Variants in UCHL1 observed in about 807,000 individuals in gnomAD.
The protein encoded by UCHL1 is ubiquitin C-terminal hydrolase L1.
UCHL1 carries 5 observed loss-of-function variants against 33.3 expected under a neutral mutation model. The observed-to-expected ratio is 0.15, with a 90% CI of 0.08 to 0.32. UCHL1 has a LOEUF of 0.32. Among genes scored for constraint, UCHL1 ranks in the 10% least tolerant of loss-of-function variants. UCHL1 has a pLI of 1.00. For synonymous variants in UCHL1, 132 were observed against 108.8 expected (o/e 1.21, Z -1.33); for missense variants, 236 against 280.0 (o/e 0.84, Z 1.12).
At chr4:41,259,475 C>T (rs3775259) in intron 3 of UCHL1, among the ~76,000 whole-genome samples, 26,761 of 152,098 alleles carry the variant, frequency 0.18, 3,153 homozygotes, top group East Asian at 0.52. Flanking sequence ...GTTGAGGATC[C>T]AGTTAGATAG....
intron 8 of UCHL1, 87 bp downstream of exon 8, chr4:41,264,248 A>G: frequency 1.3e-6 from 2 of 1,541,116 alleles, no homozygotes; most frequent in Non-Finnish European, 1.8e-6. Flanking sequence ...CTCTTCCAGT[A>G]TAGCCAGCAT....
At chr4:41,258,885 C>G (rs1196596921) in intron 3 of UCHL1, among the ~76,000 whole-genome samples, 1 of 152,168 alleles carries the variant, frequency 6.6e-6, no homozygotes, top group Non-Finnish European at 1.5e-5. Flanking sequence ...TGTTGGAAGT[C>G]GAATTAGCTT....
intron 4 of UCHL1, 88 bp from the exon 5 acceptor site, chr4:41,261,627 G>C (rs566688775): frequency 7.0e-7 from 1 of 1,418,540 alleles, no homozygotes; most frequent in East Asian, 2.3e-5. Context: ...AGGTTGCTCA[G>C]CATGTTCAGC....
intron 3 of UCHL1, 58 bp downstream of exon 3, chr4:41,257,795 T>G (rs1781006123): frequency 7.2e-6 from 11 of 1,527,946 alleles, no homozygotes; most frequent in Non-Finnish European, 9.6e-6. Flanking sequence ...CTCCCCAGCT[T>G]GAGTCCTCGG....
intron 3 of UCHL1, 73 bp downstream of exon 3, chr4:41,257,810 T>A (rs1357021268): frequency 4.6e-6 from 7 of 1,507,406 alleles, no homozygotes; most frequent in Non-Finnish European, 6.2e-6. Flanking sequence ...CCTCGGGGGC[T>A]CCCCGCCCCG....
At chr4:41,257,424 C>T (rs1780996030) in intron 2 of UCHL1, 185 bp from the exon 3 acceptor site, 2 of 952,954 alleles carry the variant, frequency 2.1e-6, no homozygotes, top group Non-Finnish European at 2.9e-6. Context: ...GCGGGCGCCA[C>T]GTGTGGGCCG....
chr4:41,263,652 T>A (rs561027149), intron 7 of UCHL1, among the ~76,000 whole-genome samples: 6 of 152,248 alleles, frequency 3.9e-5, no homozygotes, highest in Non-Finnish European at 8.8e-5. Flanking sequence ...ATTCCTTTTG[T>A]ATTAATGGAG....
chr4:41,267,853 G>C (rs1243906626), intron 8 of UCHL1, 134 bp from the exon 9 acceptor site: 1 of 835,812 alleles, frequency 1.2e-6, no homozygotes, highest in Non-Finnish European at 2.0e-6. Context: ...TTAAGCCCTG[G>C]TTTTCAAATT....
Position 41,257,730 on chromosome 4 carries a change from CGGCCCAGGTAGGGCGTGG to C in UCHL1, c.174+2_174+19del. 1 of 1,577,954 alleles carries C rather than the reference CGGCCCAGGTAGGGCGTGG, an allele frequency of 6.3e-7. No homozygotes were observed. Among genetic ancestry groups the C allele is most frequent in the Non-Finnish European group, 8.6e-7 (1 of 1,166,186 alleles). On this transcript the variant is annotated splice_donor_variant and splice_donor_5th_base_variant and coding_sequence_variant and intron_variant, in exon 3 of 9. Coordinates refer to ENST00000284440, the MANE Select transcript of UCHL1 (RefSeq NM_004181.5). LOFTEE classifies it high-confidence loss of function. The stretch of plus-strand genomic sequence containing the variant: ...GCGCTGCTGCTGCTGTTTCCCCTCA[CGGCCCAGGTAGGGCGTGG>C]GGCCCAGGATGCGCCGGCCGCCGGC...
At position 41,264,220 on chromosome 4, in the gene UCHL1, T is replaced by C. The variant is rs755324335; in HGVS notation, c.585+59T>C. 3.1e-6 allele frequency: 5 copies of C among 1,603,992 alleles called. No individual in the cohort carries two copies. The Admixed American group carries it at 8.3e-5, about 27-fold the overall frequency. On this transcript the variant is annotated intron_variant, in intron 8 of 8. Coordinates refer to ENST00000284440, the MANE Select transcript of UCHL1 (RefSeq NM_004181.5). Reference sequence around the variant, plus strand: ...CTCACAATTCTTTGGCTAAATTTTCTATTCTAAAGTGCTAACACTCTTCCA... The same window carrying C: ...CTCACAATTCTTTGGCTAAATTTTCCATTCTAAAGTGCTAACACTCTTCCA...
chr4:41,267,724 G>GT (rs1048961078), intron 8 of UCHL1, among the ~76,000 whole-genome samples: 56 of 151,748 alleles, frequency 3.7e-4, no homozygotes, highest in African/African-American at 1.0e-3. Context: ...TTTTGTTTTT[G>GT]TTTTTTTTAA....
Position 41,261,819 on chromosome 4 carries a change from C to T in UCHL1, c.411+19C>T, listed in dbSNP as rs766323147. 15 of 1,614,018 alleles carry T rather than the reference C, an allele frequency of 9.3e-6. No individual in the cohort carries two copies. The highest frequency in any genetic ancestry group is 3.3e-5 in the Admixed American group (2 of 60,002). Reference sequence around the variant, plus strand: ...GAATGAGGTAAGAGAACTTACAGAGCATGGCCTTTAAATAACTCTAGAGAT... The same window carrying T: ...GAATGAGGTAAGAGAACTTACAGAGTATGGCCTTTAAATAACTCTAGAGAT... On this transcript the variant is annotated intron_variant, in intron 5 of 8. Coordinates refer to ENST00000284440, the MANE Select transcript of UCHL1 (RefSeq NM_004181.5).
rs1433287876 is a variant in UCHL1 at position 41,261,754 on chromosome 4, A to G, written c.365A>G (p.Glu122Gly). 2 of 1,613,656 alleles carry G rather than the reference A, an allele frequency of 1.2e-6. No homozygotes were observed. Among genetic ancestry groups the G allele is most frequent in the Non-Finnish European group, 8.5e-7 (1 of 1,180,060 alleles). Residue 122 changes from glutamate to glycine, a missense_variant, in exon 5 of 9, where the codon GAG becomes GGG. Coordinates refer to ENST00000284440, the MANE Select transcript of UCHL1 (RefSeq NM_004181.5). ...CTGAAACAGTTTCTTTCTGAAACAG[A>G]GAAAATGTCCCCTGAAGACAGAGCA... ...SVLKQFLSET[E>G]KMSPEDRAKC...
At chr4:41,265,005 C>G (rs1484551645) in intron 8 of UCHL1, among the ~76,000 whole-genome samples, 1 of 152,156 alleles carries the variant, frequency 6.6e-6, no homozygotes, top group African/African-American at 2.4e-5. Flanking sequence ...TGGCATATGG[C>G]TCTGTTGCAA....
In UCHL1 at chr4:41,261,906, C is replaced by T. The variant is rs1232080089; in HGVS notation, c.442C>T (p.Gln148Ter). ...ACAGGCAGCCCATGATGCCGTGGCA[C>T]AGGAAGGCCAATGTCGGGTAAATGC... ...AIQAAHDAVA[Q>*]EGQCRVDDKV... Residue 148 changes from glutamine (Q) to a stop codon, truncating the protein, a stop_gained, in exon 6 of 9, where the codon CAG (glutamine) becomes TAG (stop). Transcript: ENST00000284440. LOFTEE classifies it high-confidence loss of function. 6.2e-7 allele frequency: 1 copy of T among 1,613,990 alleles called. No individual in the cohort carries two copies. The highest frequency in any genetic ancestry group is 8.5e-7 in the Non-Finnish European group (1 of 1,180,030).
chr4:41,260,638 C>T lies in UCHL1; in HGVS notation c.175-9C>T. On this transcript the variant is annotated splice_polypyrimidine_tract_variant and intron_variant, in intron 3 of 8. Coordinates refer to ENST00000284440, the MANE Select transcript of UCHL1 (RefSeq NM_004181.5). ...TTCTGAGATGTAAAAACGCTTTTTA[C>T]ATTCGCAGCATGAGAACTTCAGGAA... is the stretch of plus-strand genomic sequence containing the variant. The T allele has an allele frequency of 7.4e-6, 12 of 1,614,162 alleles. No individual in the cohort carries two copies. Among genetic ancestry groups the T allele is most frequent in the Non-Finnish European group, 1.0e-5 (12 of 1,180,010 alleles).
chr4:41,259,344 A>G (rs1781034270), intron 3 of UCHL1, among the ~76,000 whole-genome samples: 1 of 152,226 alleles, frequency 6.6e-6, no homozygotes. Context: ...CTAGTAGACT[A>G]TTTACAGAAT....
chr4:41,262,652 A>G (rs1288620901), intron 6 of UCHL1, among the ~76,000 whole-genome samples: 1 of 151,812 alleles, frequency 6.6e-6, no homozygotes, highest in East Asian at 1.9e-4. Context: ...AAAGTTGACA[A>G]GGTCAGCCTC....
intron 2 of UCHL1, 89 bp from the exon 3 acceptor site, chr4:41,257,511 CGGGCGCGGA>C: frequency 1.5e-6 from 2 of 1,349,170 alleles, no homozygotes; most frequent in Non-Finnish European, 9.5e-7. Flanking sequence ...GGCTCGGGTG[CGGGCGCGGA>C]GGGCGCGCGC....
Sources: gnomAD v4.1 joint callset for allele counts (sites outside exome capture counted in the v4.1 genomes callset) on GRCh38, gnomAD v4.1.1 for gene constraint, MANE v1.5 for transcripts, NCBI Gene and HGNC (gene_info 2026-07-23, HGNC 2026-07-21) for gene names.